The following ZNF730 variants were observed in gnomAD, a reference collection of about 807,000 sequenced individuals.
ZNF730 encodes zinc finger protein 730.
In ZNF730, 12 loss-of-function variants were observed where a neutral mutation model predicts 12.6. The ratio of observed to expected loss-of-function variants is 0.95; its 90% CI spans 0.61 to 1.54. The LOEUF is 1.54. Among genes scored for constraint, ZNF730 ranks in the 40% most tolerant of loss-of-function variants. ZNF730 has a pLI of 0.00. For synonymous variants in ZNF730, 194 were observed against 195.8 expected (o/e 0.99, Z 0.08); for missense variants, 643 against 583.5 (o/e 1.10, Z -1.05).
At position 23,127,445 on chromosome 19, in the gene ZNF730, A is replaced by G. The variant is rs1339208588; in HGVS notation, c.4-6635A>G. 5.5e-6 allele frequency: 6 copies of G among 1,091,368 alleles called. No homozygotes were observed. The East Asian group carries it at 9.8e-5, about 18-fold the overall frequency. 67.6% of individuals were successfully genotyped at this position (1,091,368 alleles called of 1,614,324 possible). A position where few individuals can be genotyped will look rare whatever the true frequency, so the allele number is the denominator to read the frequency against. On this transcript the variant is annotated intron_variant, in intron 1 of 3. Transcript: ENST00000597761. ...CATCTTTGTGAATTCTTCCTTTGTCATTGACCCTTCTCCTTCTCCAAGCTT... is the reference window on the plus strand; with the variant it reads ...CATCTTTGTGAATTCTTCCTTTGTCGTTGACCCTTCTCCTTCTCCAAGCTT...
At chr19:23,124,062 TCC>T (rs1255299489) in intron 1 of ZNF730, 1 of 152,210 alleles carries the variant, frequency 6.6e-6, no homozygotes, top group African/African-American at 2.4e-5. Context: ...CAGTCTCCTC[TCC>T]CTGCAGCGCA....
intron 2 of ZNF730, among the ~76,000 whole-genome samples, chr19:23,134,494 C>G (rs1303942344): frequency 6.8e-5 from 10 of 147,394 alleles, no homozygotes. Context: ...GCCCCCCGCC[C>G]GGCCGGCCGC....
At position 23,145,863 on chromosome 19, in the gene ZNF730, A is replaced by T; in HGVS notation, c.819A>T (p.Thr273=). 1 of 1,609,028 alleles carries T rather than the reference A, an allele frequency of 6.2e-7. No homozygotes were observed. Among genetic ancestry groups the T allele is most frequent in the Non-Finnish European group, 8.5e-7 (1 of 1,178,962 alleles). Reference sequence around the variant, plus strand: ...TTAACCAATCCACAAACCTTACTACACATAAAAGAATTCATACTGGAGAGA... The same window carrying T: ...TTAACCAATCCACAAACCTTACTACTCATAAAAGAATTCATACTGGAGAGA... ...KFFNQSTNLT[T]HKRIHTGEKP... The change falls in exon 4 of 4, where the codon ACA becomes ACT. Residue 273 remains threonine (T), a synonymous_variant. Coordinates refer to ENST00000597761, the MANE Select transcript of ZNF730 (RefSeq NM_001277403.2).
chr19:23,096,464 C>T (rs1970254480), intron 1 of ZNF730, among the ~76,000 whole-genome samples: 1 of 152,218 alleles, frequency 6.6e-6, no homozygotes, highest in African/African-American at 2.4e-5. Context: ...TGACACTCCT[C>T]TTCTGCCTGG....
chr19:23,127,742 C>T (rs1970688066), intron 1 of ZNF730: 1 of 1,062,812 alleles, frequency 9.4e-7, no homozygotes. Context: ...TGCTTTAAGT[C>T]CACAGTTCTC....
At chr19:23,077,667 C>T (rs988832683) in intron 1 of ZNF730, among the ~76,000 whole-genome samples, 1 of 151,920 alleles carries the variant, frequency 6.6e-6, no homozygotes, top group African/African-American at 2.4e-5. Flanking sequence ...GTCTTGAACT[C>T]CTGATGTCAA....
chr19:23,143,257 A>G (rs1490413882), intron 3 of ZNF730, among the ~76,000 whole-genome samples: 6 of 152,206 alleles, frequency 3.9e-5, no homozygotes, highest in Non-Finnish European at 7.3e-5. Context: ...AAAAGAAAAA[A>G]AAAAACAATA....
At chr19:23,127,582 CTCA>C in intron 1 of ZNF730, 1 of 934,716 alleles carries the variant, frequency 1.1e-6, no homozygotes, top group Non-Finnish European at 1.8e-6. Context: ...AGATAAATTG[CTCA>C]TGTTGCTGAA....
intron 1 of ZNF730, among the ~76,000 whole-genome samples, chr19:23,103,280 C>T (rs1355973537): frequency 6.6e-6 from 1 of 152,158 alleles, no homozygotes; most frequent in African/African-American, 2.4e-5. Flanking sequence ...TTGTAAAAAT[C>T]TTGCAAAGAA....
intron 3 of ZNF730, chr19:23,143,903 A>C (rs1970965088): frequency 6.6e-6 from 1 of 151,414 alleles, no homozygotes; most frequent in African/African-American, 2.4e-5. Context: ...ATTTGTTATA[A>C]ATATTTTGTA....
At chr19:23,141,659 G>GT (rs902306249) in intron 3 of ZNF730, among the ~76,000 whole-genome samples, 3 of 151,894 alleles carry the variant, frequency 2.0e-5, no homozygotes, top group African/African-American at 7.3e-5. Flanking sequence ...AATTTTTTTA[G>GT]TTTTTTTCTC....
At chr19:23,117,957 C>A (rs1402569416) in intron 1 of ZNF730, among the ~76,000 whole-genome samples, 1 of 152,130 alleles carries the variant, frequency 6.6e-6, no homozygotes, top group Non-Finnish European at 1.5e-5. Flanking sequence ...TATTTTCACA[C>A]TCCACAGGAG....
chr19:23,135,817 G>T, intron 2 of ZNF730, 131 bp from the exon 3 acceptor site: 1 of 894,672 alleles, frequency 1.1e-6, no homozygotes, highest in Non-Finnish European at 1.5e-6. Context: ...GGTCTATTTA[G>T]AAAATTTTTA....
intron 3 of ZNF730, among the ~76,000 whole-genome samples, chr19:23,136,426 A>G (rs1354042631): frequency 2.0e-5 from 3 of 151,926 alleles, no homozygotes; most frequent in Admixed American, 6.6e-5. Flanking sequence ...TTTTTTTGAG[A>G]CGGAGTCTTG....
At chr19:23,110,488 G>A (rs976541217) in intron 1 of ZNF730, among the ~76,000 whole-genome samples, 2 of 142,726 alleles carry the variant, frequency 1.4e-5, no homozygotes, top group African/African-American at 5.3e-5. Context: ...TGTTGATCAG[G>A]CTGGATGGTC....
At chr19:23,126,944 A>T in intron 1 of ZNF730, 1 of 517,766 alleles carries the variant, frequency 1.9e-6, no homozygotes, top group South Asian at 1.5e-5. Context: ...CCTCATCAGC[A>T]GACACTCATG....
At chr19:23,128,378 A>G in intron 1 of ZNF730, 1 of 473,504 alleles carries the variant, frequency 2.1e-6, no homozygotes. Flanking sequence ...GACTTGAAGG[A>G]GATGCATAAG....
chr19:23,129,713 G>T (rs1970721365), intron 1 of ZNF730, among the ~76,000 whole-genome samples: 1 of 151,960 alleles, frequency 6.6e-6, no homozygotes, highest in Non-Finnish European at 1.5e-5. Flanking sequence ...AAGACTTTGG[G>T]CCGGGCGTGG....
chr19:23,105,053 C>A (rs1294466994), intron 1 of ZNF730, among the ~76,000 whole-genome samples: 4 of 151,930 alleles, frequency 2.6e-5, no homozygotes, highest in African/African-American at 9.7e-5. Context: ...TGCAAATAAT[C>A]AGGGCGAGTA....
Sources: allele counts gnomAD v4.1 joint callset (sites outside exome capture counted in the v4.1 genomes callset), GRCh38; gene constraint gnomAD v4.1.1; transcripts MANE v1.5; gene names NCBI Gene and HGNC (gene_info 2026-07-23, HGNC 2026-07-21).